HPSE2: variants seen among roughly 807,000 people sequenced by gnomAD.
The protein encoded by HPSE2 is heparanase 2 (inactive).
HPSE2 carries 38 observed loss-of-function variants against 60.5 expected under a neutral mutation model. The observed-to-expected ratio is 0.63, with a 90% CI of 0.48 to 0.82. HPSE2 has a LOEUF of 0.82. HPSE2 is among the 40% of genes least tolerant of loss of function. The pLI is 0.00. For missense variants in HPSE2, 713 were observed against 740.4 expected (o/e 0.96, Z 0.43); for synonymous variants, 295 against 293.2 (o/e 1.01, Z -0.06).
chr10:98,806,497 C>A (rs1218399067), intron 3 of HPSE2, among the ~76,000 whole-genome samples: 1 of 152,174 alleles, frequency 6.6e-6, no homozygotes, highest in African/African-American at 2.4e-5. Flanking sequence ...CTGCCTCTTA[C>A]TTCCTATGAG....
At chr10:98,912,956 G>A (rs1391131919) in intron 3 of HPSE2, among the ~76,000 whole-genome samples, 1 of 152,108 alleles carries the variant, frequency 6.6e-6, no homozygotes, top group African/African-American at 2.4e-5. Flanking sequence ...GAATCACAAC[G>A]GATAAATGCT....
chr10:98,508,402 T>C (rs1299345472), intron 9 of HPSE2, among the ~76,000 whole-genome samples: 1 of 152,200 alleles, frequency 6.6e-6, no homozygotes, highest in Non-Finnish European at 1.5e-5. Flanking sequence ...CAACTATGTG[T>C]TCCCCGAGGT....
At chr10:98,984,397 T>G (rs1309783915) in intron 3 of HPSE2, among the ~76,000 whole-genome samples, 1 of 152,186 alleles carries the variant, frequency 6.6e-6, no homozygotes, top group East Asian at 1.9e-4. Context: ...GGAGTGGACC[T>G]CCAGCAAACT....
intron 8 of HPSE2, among the ~76,000 whole-genome samples, chr10:98,618,163 G>T (rs546867): frequency 6.6e-6 from 1 of 151,898 alleles, no homozygotes; most frequent in Admixed American, 6.6e-5. Context: ...TAAGAGAGAT[G>T]GGGAGCAGAA....
At chr10:99,044,982 A>C (rs1180370957) in intron 3 of HPSE2, among the ~76,000 whole-genome samples, 36 of 152,216 alleles carry the variant, frequency 2.4e-4, no homozygotes, top group African/African-American at 8.7e-4. Flanking sequence ...CAAAGAAACT[A>C]TGGACTCAAA....
intron 9 of HPSE2, among the ~76,000 whole-genome samples, chr10:98,536,425 G>C (rs975514189): frequency 2.0e-5 from 3 of 152,218 alleles, no homozygotes; most frequent in African/African-American, 7.2e-5. Flanking sequence ...GAAAGAGAGA[G>C]CACTTCAATG....
chr10:99,024,896 C>T (rs1957341845), intron 3 of HPSE2, among the ~76,000 whole-genome samples: 1 of 152,084 alleles, frequency 6.6e-6, no homozygotes, highest in Admixed American at 6.6e-5. Flanking sequence ...AATGCCAGGC[C>T]TATCCTACAA....
At chr10:99,012,194 A>C (rs1438267232) in intron 3 of HPSE2, among the ~76,000 whole-genome samples, 1 of 152,136 alleles carries the variant, frequency 6.6e-6, no homozygotes, top group Non-Finnish European at 1.5e-5. Flanking sequence ...TTCATTTGAT[A>C]ATTTTAATCA....
chr10:99,240,577 A>AT (rs1386429413), upstream of HPSE2, among the ~76,000 whole-genome samples: 3 of 151,692 alleles, frequency 2.0e-5, no homozygotes, highest in South Asian at 2.1e-4. Flanking sequence ...TGCCCGGCTA[A>AT]TTTTTTTGTA....
intron 3 of HPSE2, among the ~76,000 whole-genome samples, chr10:99,004,664 T>C (rs1158810464): frequency 6.6e-6 from 1 of 152,242 alleles, no homozygotes; most frequent in Non-Finnish European, 1.5e-5. Flanking sequence ...ATACTAAAGA[T>C]ATGTGATTTA....
At chr10:99,267,396 G>C in the HPSE2 span, among the ~76,000 whole-genome samples, 1 of 152,098 alleles carries the variant, frequency 6.6e-6, no homozygotes, top group South Asian at 2.1e-4. Context: ...AGAGCTCAAA[G>C]ATAAGGTTTT....
At chr10:98,488,427 A>C (rs1280965722) in intron 10 of HPSE2, among the ~76,000 whole-genome samples, 1 of 152,218 alleles carries the variant, frequency 6.6e-6, no homozygotes. Flanking sequence ...TGAATGAGAC[A>C]CTGGCCCTGA....
At chr10:99,162,891 G>A (rs1846900525) in intron 2 of HPSE2, among the ~76,000 whole-genome samples, 1 of 152,010 alleles carries the variant, frequency 6.6e-6, no homozygotes, top group South Asian at 2.1e-4. Flanking sequence ...AGATCTCCGA[G>A]GCATTCAGCA....
intron 3 of HPSE2, among the ~76,000 whole-genome samples, chr10:99,005,820 C>G (rs1269060631): frequency 6.6e-6 from 1 of 152,186 alleles, no homozygotes; most frequent in Non-Finnish European, 1.5e-5. Context: ...GAGAGCCCTT[C>G]CTTTTCAGTC....
chr10:99,049,719 T>A (rs1238636215), intron 3 of HPSE2, among the ~76,000 whole-genome samples: 1 of 151,896 alleles, frequency 6.6e-6, no homozygotes, highest in Non-Finnish European at 1.5e-5. Flanking sequence ...AGATAAATAA[T>A]TATTAACAAA....
At position 98,881,266 on chromosome 10, in the gene HPSE2, G is replaced by A. The variant is rs190278879; in HGVS notation, c.611-137210C>T. ...CTGTTCTTATGGGTAGGGATTCCAC[G>A]GCTTCCCTTGGTAGATCAAGTCCAG... On this transcript the variant is annotated intron_variant, in intron 3 of 11. Coordinates refer to ENST00000370552, the MANE Select transcript of HPSE2 (RefSeq NM_021828.5). 5.6e-4 allele frequency among the ~76,000 whole-genome samples: 85 copies of A among 152,128 alleles called. 1 individual carries two copies. The highest frequency in any genetic ancestry group is 2.0e-3 in the African/African-American group (84 of 41,532).
chr10:98,594,074 G>A (rs1484874205), intron 9 of HPSE2, among the ~76,000 whole-genome samples: 1 of 150,726 alleles, frequency 6.6e-6, no homozygotes, highest in Non-Finnish European at 1.5e-5. Context: ...TTTGAAATAT[G>A]TATAATATGT....
intron 5 of HPSE2, among the ~76,000 whole-genome samples, chr10:98,708,325 G>A (rs1271096308): frequency 6.6e-6 from 1 of 151,710 alleles, no homozygotes; most frequent in African/African-American, 2.4e-5. Flanking sequence ...GCGTGGTGGT[G>A]GGCACCCGTA....
intron 9 of HPSE2, among the ~76,000 whole-genome samples, chr10:98,606,345 T>C (rs1281024838): frequency 6.6e-6 from 1 of 152,252 alleles, no homozygotes; most frequent in Non-Finnish European, 1.5e-5. Context: ...GGCTTCACGT[T>C]GAATCACTTG....
Sources: gnomAD v4.1 joint callset for allele counts (sites outside exome capture counted in the v4.1 genomes callset) on GRCh38, gnomAD v4.1.1 for gene constraint, MANE v1.5 for transcripts, NCBI Gene and HGNC (gene_info 2026-07-23, HGNC 2026-07-21) for gene names.